The following ARHGAP35 variants were observed in gnomAD, a reference collection of about 807,000 sequenced individuals.
ARHGAP35 encodes rho GTPase-activating protein 35.
In ARHGAP35, 15 loss-of-function variants were observed where a neutral mutation model predicts 111.1. That is an observed-to-expected ratio of 0.13 (90% confidence interval 0.09 to 0.21). ARHGAP35 has a LOEUF of 0.21. Ranked by LOEUF, ARHGAP35 falls within the 10% of genes least tolerant of loss-of-function variation. ARHGAP35 has a pLI of 1.00. For synonymous variants in ARHGAP35, 643 were observed against 710.3 expected (o/e 0.91, Z 1.51); for missense variants, 1,262 against 1,873.0 (o/e 0.67, Z 6.02).
chr19:46,961,547 G>A (rs555514504), intron 3 of ARHGAP35, among the ~76,000 whole-genome samples: 2 of 152,232 alleles, frequency 1.3e-5, no homozygotes, highest in Admixed American at 1.3e-4. Flanking sequence ...TGGACGCGTT[G>A]AATAAAAGAA....
chr19:46,977,358 AG>A (rs1226325996), intron 3 of ARHGAP35, among the ~76,000 whole-genome samples: 4 of 152,236 alleles, frequency 2.6e-5, no homozygotes, highest in African/African-American at 9.6e-5. Flanking sequence ...ACATCTGGAA[AG>A]GAAAGTAGGA....
chr19:46,887,751 C>T (rs1283307029), intron 1 of ARHGAP35, among the ~76,000 whole-genome samples: 1 of 152,096 alleles, frequency 6.6e-6, no homozygotes, highest in Non-Finnish European at 1.5e-5. Context: ...GCTACACCCT[C>T]CCCGACCGAA....
At chr19:46,959,942 A>T (rs10405746) in intron 3 of ARHGAP35, among the ~76,000 whole-genome samples, 35,526 of 145,098 alleles carry the variant, frequency 0.24, 4,357 homozygotes, top group Non-Finnish European at 0.29. Context: ...TACAAAAAAA[A>T]TTTTTTTTTT....
Position 47,000,779 on chromosome 19 carries a change from A to T in ARHGAP35, c.*91A>T, listed in dbSNP as rs2122368736. The T allele has an allele frequency of 6.5e-7, 1 of 1,539,582 alleles. No homozygotes were observed. The highest frequency in any genetic ancestry group is 1.2e-5 in the South Asian group (1 of 82,696). ...ACAAAACCAAGTCCACTGGGGACAG[A>T]GGCAGGGGCAAGTGGCTCTCCCCAT... On this transcript the variant is annotated 3_prime_UTR_variant, in exon 7 of 7. Transcript: ENST00000672722. This position sits in a 1 kb window ranked among gnomAD's most constrained non-coding sequence, Gnocchi z 6.9.
intron 3 of ARHGAP35, among the ~76,000 whole-genome samples, chr19:46,942,265 A>G (rs1427431115): frequency 1.3e-5 from 2 of 152,188 alleles, no homozygotes; most frequent in African/African-American, 4.8e-5. Flanking sequence ...GCATATACAC[A>G]TATATTTATT....
chr19:46,885,340 TAACTC>T (rs1427785933), intron 1 of ARHGAP35, among the ~76,000 whole-genome samples: 4 of 152,316 alleles, frequency 2.6e-5, no homozygotes, highest in East Asian at 3.9e-4. Flanking sequence ...TTACATGTAT[TAACTC>T]AAGGAATCCA....
intron 1 of ARHGAP35, among the ~76,000 whole-genome samples, chr19:46,902,902 T>C (rs1182310129): frequency 1.3e-5 from 2 of 152,200 alleles, no homozygotes; most frequent in East Asian, 3.8e-4. Flanking sequence ...CTGAATGCAA[T>C]CTATGATGTC....
Position 47,000,368 on chromosome 19 carries a change from G to A in ARHGAP35, c.4180G>A (p.Glu1394Lys). 1 of 1,613,846 alleles carries A rather than the reference G, an allele frequency of 6.2e-7. No homozygotes were observed. Among genetic ancestry groups the A allele is most frequent in the Non-Finnish European group, 8.5e-7 (1 of 1,179,864 alleles). The change falls in exon 7 of 7, where the codon GAG becomes AAG. Residue 1394 changes from glutamate to lysine, a missense_variant. Physicochemically the swap from Glu to Lys is moderately conservative, Grantham distance 56. Coordinates refer to ENST00000672722, the MANE Select transcript of ARHGAP35 (RefSeq NM_004491.5). The surrounding 1 kb of genome is among the most constrained non-coding windows in gnomAD (Gnocchi z 6.9). The stretch of plus-strand genomic sequence containing the variant: ...CAACAAGGTGAATCTCATGACCAGC[G>A]AGAACCTCTCCATCTGCTTCTGGCC... Reference protein sequence around the residue: ...HNNKVNLMTSENLSICFWPTL... With the variant: ...HNNKVNLMTSKNLSICFWPTL...
chr19:46,905,372 CTTT>C (rs746861698), intron 1 of ARHGAP35, among the ~76,000 whole-genome samples: 2 of 135,530 alleles, frequency 1.5e-5, no homozygotes, highest in African/African-American at 2.7e-5. Flanking sequence ...AGAACTTAAA[CTTT>C]TTTTTTTTTT....
chr19:46,879,837 G>T (rs2122132803), intron 1 of ARHGAP35, among the ~76,000 whole-genome samples: 1 of 148,140 alleles, frequency 6.8e-6, no homozygotes, highest in East Asian at 2.0e-4. Flanking sequence ...TGTGACCCCA[G>T]CACTTTGAGA....
At chr19:46,878,637 TTTG>T (rs200543933) in intron 1 of ARHGAP35, among the ~76,000 whole-genome samples, 56 of 152,068 alleles carry the variant, frequency 3.7e-4, no homozygotes, top group East Asian at 7.7e-4. Context: ...TTCCTTTGTT[TTTG>T]TTGTTGTTGT....
intron 3 of ARHGAP35, among the ~76,000 whole-genome samples, 173 bp downstream of exon 3, chr19:46,937,581 G>A (rs1156344918): frequency 6.6e-6 from 1 of 152,144 alleles, no homozygotes; most frequent in Non-Finnish European, 1.5e-5. Flanking sequence ...CCATTTGTGT[G>A]CAGTTTTGAG....
intron 5 of ARHGAP35, among the ~76,000 whole-genome samples, chr19:46,995,121 GCTGGGTACAGTGTGA>G (rs1344863838): frequency 2.0e-5 from 3 of 152,144 alleles, no homozygotes; most frequent in Non-Finnish European, 4.4e-5. Flanking sequence ...TAGAAAAAAG[GCTGGGTACAGTGTGA>G]CTGGGTACAG....
chr19:46,894,564 G>A (rs996043337), intron 1 of ARHGAP35, among the ~76,000 whole-genome samples: 1 of 149,968 alleles, frequency 6.7e-6, no homozygotes, highest in Non-Finnish European at 1.5e-5. Flanking sequence ...TCCTGCCTCA[G>A]CCTCTCGAGT....
At chr19:46,876,329 G>A (rs972511801) in intron 1 of ARHGAP35, among the ~76,000 whole-genome samples, 1 of 151,380 alleles carries the variant, frequency 6.6e-6, no homozygotes, top group Non-Finnish European at 1.5e-5. Context: ...TGAGTAGCTG[G>A]GACCACAGGT....
At chr19:46,895,264 C>T (rs571487017) in intron 1 of ARHGAP35, among the ~76,000 whole-genome samples, 51 of 151,634 alleles carry the variant, frequency 3.4e-4, no homozygotes, top group African/African-American at 1.2e-3. Flanking sequence ...CCCGGGTTCA[C>T]GCCATTCTCC....
At chr19:46,879,586 C>CT (rs1461274542) in intron 1 of ARHGAP35, among the ~76,000 whole-genome samples, 29 of 14,950 alleles carry the variant, frequency 1.9e-3, no homozygotes, top group East Asian at 5.0e-3. Flanking sequence ...GACTCCATCT[C>CT]AAAATAAATA....
intron 1 of ARHGAP35, among the ~76,000 whole-genome samples, chr19:46,876,350 C>T (rs891377760): frequency 4.0e-5 from 6 of 151,790 alleles, no homozygotes; most frequent in African/African-American, 1.5e-4. Context: ...GTATGCATGC[C>T]ACCAAGCCCA....
At chr19:46,896,992 C>G (rs1371846015) in intron 1 of ARHGAP35, among the ~76,000 whole-genome samples, 3 of 151,718 alleles carry the variant, frequency 2.0e-5, no homozygotes, top group Non-Finnish European at 4.4e-5. Flanking sequence ...CTCCCAGGCT[C>G]AAGGGATCCT....
Sources: allele counts gnomAD v4.1 joint callset (sites outside exome capture counted in the v4.1 genomes callset), GRCh38; gene constraint gnomAD v4.1.1; non-coding constraint Gnocchi (gnomAD v3.1); transcripts MANE v1.5; gene names NCBI Gene and HGNC (gene_info 2026-07-23, HGNC 2026-07-21).